The following AAGAB variants were observed in gnomAD, a reference collection of about 807,000 sequenced individuals.
AAGAB encodes the protein alpha- and gamma-adaptin-binding protein p34.
In AAGAB, 38 loss-of-function variants were observed where a neutral mutation model predicts 44.1. The ratio of observed to expected loss-of-function variants is 0.86; its 90% CI spans 0.67 to 1.13. The LOEUF is 1.13. Ranked by LOEUF, AAGAB falls within the 50% of genes most tolerant of loss-of-function variation. The pLI, the probability that AAGAB is intolerant of heterozygous loss-of-function variation, is 0.00. For synonymous variants in AAGAB, 131 were observed against 131.8 expected (o/e 0.99, Z 0.04); for missense variants, 450 against 373.8 (o/e 1.20, Z -1.68).
chr15:67,250,854 G>A (rs1375584606), intron 1 of AAGAB, among the ~76,000 whole-genome samples: 2 of 151,930 alleles, frequency 1.3e-5, no homozygotes, highest in African/African-American at 4.8e-5. Context: ...GTGAAACCCC[G>A]TCTCTACTAA....
intron 1 of AAGAB, among the ~76,000 whole-genome samples, chr15:67,245,544 A>C (rs1964700523): frequency 6.6e-6 from 1 of 152,210 alleles, no homozygotes; most frequent in Non-Finnish European, 1.5e-5. Context: ...GATTGTAATG[A>C]TGGTTGCACA....
At chr15:67,215,264 T>C (rs1963917235) in intron 5 of AAGAB, among the ~76,000 whole-genome samples, 1 of 152,218 alleles carries the variant, frequency 6.6e-6, no homozygotes, top group South Asian at 2.1e-4. Flanking sequence ...CCGCACAGCC[T>C]CCAGCATAGT....
At chr15:67,214,616 G>C (rs1416482590) in intron 5 of AAGAB, among the ~76,000 whole-genome samples, 1 of 151,964 alleles carries the variant, frequency 6.6e-6, no homozygotes, top group Non-Finnish European at 1.5e-5. Flanking sequence ...GAAAATTCTG[G>C]CTAAAATCCT....
intron 5 of AAGAB, among the ~76,000 whole-genome samples, chr15:67,214,972 A>AT (rs1963909488): frequency 1.3e-5 from 2 of 150,884 alleles, no homozygotes; most frequent in Admixed American, 6.6e-5. Flanking sequence ...TATAACAAAG[A>AT]TTTTCAATGA....
chr15:67,227,964 G>A (rs1000737603), intron 5 of AAGAB, among the ~76,000 whole-genome samples: 5 of 152,116 alleles, frequency 3.3e-5, no homozygotes, highest in Admixed American at 2.0e-4. Flanking sequence ...AAAAGAAAGC[G>A]AGGAAACCTC....
At chr15:67,248,434 C>CA (rs1225797802) in intron 1 of AAGAB, among the ~76,000 whole-genome samples, 3 of 152,164 alleles carry the variant, frequency 2.0e-5, no homozygotes, top group Admixed American at 6.5e-5. Flanking sequence ...CTTACCACAA[C>CA]AAAATAAGTA....
At chr15:67,245,330 C>T (rs1280239439) in intron 1 of AAGAB, among the ~76,000 whole-genome samples, 1 of 152,118 alleles carries the variant, frequency 6.6e-6, no homozygotes, top group East Asian at 1.9e-4. Context: ...GTACATGCTA[C>T]AATATAGATG....
chr15:67,215,776 T>C (rs1474036143), intron 5 of AAGAB, among the ~76,000 whole-genome samples: 1 of 152,222 alleles, frequency 6.6e-6, no homozygotes, highest in Non-Finnish European at 1.5e-5. Context: ...CACTTTGATA[T>C]TACAATCCAC....
At chr15:67,245,587 T>C (rs1291174516) in intron 1 of AAGAB, among the ~76,000 whole-genome samples, 2 of 152,172 alleles carry the variant, frequency 1.3e-5, no homozygotes, top group African/African-American at 2.4e-5. Context: ...CACTGAATTA[T>C]ACAATTAAAA....
rs912082600 is a variant in AAGAB, at chr15:67,236,302, T to C, written c.361+106A>G. ...AGCTGAAAATATTTTCATAAAGCCATAAAGTCACATGGGATGTATGTCCTA... is the reference window on the plus strand; with the variant it reads ...AGCTGAAAATATTTTCATAAAGCCACAAAGTCACATGGGATGTATGTCCTA... On this transcript the variant is annotated intron_variant, in intron 3 of 9. Transcript: ENST00000261880. The C allele has an allele frequency of 2.7e-6, 3 of 1,126,900 alleles. No individual in the cohort carries two copies. The African/African-American group carries it at 4.7e-5, about 18-fold the overall frequency. The allele number at this position is 1,126,900 out of a possible 1,614,324, so 69.8% of individuals were successfully genotyped here. A position where few individuals can be genotyped will look rare whatever the true frequency, so the allele number is the denominator to read the frequency against.
chr15:67,233,150 A>C (rs560392615), intron 4 of AAGAB, among the ~76,000 whole-genome samples: 2 of 152,332 alleles, frequency 1.3e-5, no homozygotes, highest in East Asian at 3.9e-4. Flanking sequence ...TAAATGCTCT[A>C]TCCTGTGCTG....
chr15:67,204,501 T>A (rs1019708506), intron 7 of AAGAB, among the ~76,000 whole-genome samples: 1 of 152,200 alleles, frequency 6.6e-6, no homozygotes. Context: ...TAAGGTACAC[T>A]GATTCACCAA....
chr15:67,245,200 T>A (rs775599380), intron 1 of AAGAB, among the ~76,000 whole-genome samples: 5 of 152,164 alleles, frequency 3.3e-5, no homozygotes, highest in Non-Finnish European at 7.3e-5. Context: ...CATGAAAACT[T>A]GCACAAGAAT....
At chr15:67,210,001 A>G (rs943762859) in intron 5 of AAGAB, among the ~76,000 whole-genome samples, 2 of 152,174 alleles carry the variant, frequency 1.3e-5, no homozygotes, top group African/African-American at 4.8e-5. Flanking sequence ...TTTTAAAAAA[A>G]TCACAGACTA....
At chr15:67,214,075 C>A (rs551202819) in intron 5 of AAGAB, among the ~76,000 whole-genome samples, 1 of 152,250 alleles carries the variant, frequency 6.6e-6, no homozygotes, top group African/African-American at 2.4e-5. Context: ...GGCCAGAGGT[C>A]TTGATAACAT....
At chr15:67,243,523 A>G (rs1448151867) in intron 1 of AAGAB, among the ~76,000 whole-genome samples, 3 of 152,148 alleles carry the variant, frequency 2.0e-5, no homozygotes, top group South Asian at 4.1e-4. Flanking sequence ...GGTCATCACA[A>G]TAGGGGGATG....
intron 5 of AAGAB, among the ~76,000 whole-genome samples, chr15:67,225,495 T>C (rs145317808): frequency 1.3e-5 from 2 of 152,302 alleles, no homozygotes; most frequent in East Asian, 1.9e-4. Context: ...GCAACCATCA[T>C]CACCATTTAA....
intron 1 of AAGAB, among the ~76,000 whole-genome samples, chr15:67,248,686 C>T (rs1323909911): frequency 6.6e-6 from 1 of 152,194 alleles, no homozygotes. Context: ...GAAACAAATT[C>T]CCAATCTTGC....
intron 5 of AAGAB, among the ~76,000 whole-genome samples, chr15:67,216,545 T>C (rs1268050882): frequency 4.7e-5 from 7 of 150,532 alleles, no homozygotes; most frequent in African/African-American, 1.7e-4. Context: ...TTTTTTTTTT[T>C]CCCTATGCAC....
Sources: allele counts gnomAD v4.1 joint callset (sites outside exome capture counted in the v4.1 genomes callset), GRCh38; gene constraint gnomAD v4.1.1; transcripts MANE v1.5; gene names NCBI Gene and HGNC (gene_info 2026-07-23, HGNC 2026-07-21).